Variants in CEACAM18 observed in about 807,000 individuals in gnomAD.
CEACAM18 encodes cell adhesion molecule CEACAM18.
Under a neutral mutation model 34.3 loss-of-function variants are expected in CEACAM18, and 33 were observed. The ratio of observed to expected loss-of-function variants is 0.96; its 90% confidence interval spans 0.73 to 1.29. The LOEUF (loss-of-function observed/expected upper bound fraction) is 1.29. CEACAM18 is among the 50% of genes most tolerant of loss of function. The pLI is 0.00. For synonymous variants in CEACAM18, 169 were observed against 180.9 expected (o/e 0.93, Z 0.53); for missense variants, 474 against 485.0 (o/e 0.98, Z 0.21).
chr19:51,481,469 C>A lies in CEACAM18; in HGVS notation c.477C>A (p.Cys159Ter). 1 of 1,613,958 alleles carries A rather than the reference C, an allele frequency of 6.2e-7. No individual in the cohort carries two copies. The highest frequency in any genetic ancestry group is 8.5e-7 in the Non-Finnish European group (1 of 1,179,872). Residue 159 changes from cysteine to a stop codon, truncating the protein, a stop_gained, in exon 3 of 6, where the codon TGC (cysteine) becomes TGA (stop). Transcript: ENST00000396477. LOFTEE classifies it high-confidence loss of function. ...ACATGGATTCTGTGGCTGCTGACTGCCTCACAAATGTCACCAACATCACGT... is the reference window on the plus strand; with the variant it reads ...ACATGGATTCTGTGGCTGCTGACTGACTCACAAATGTCACCAACATCACGT...
At chr19:51,490,482 T>C (rs914326314) in intron 5 of CEACAM18, 105 bp from the exon 6 acceptor site, 1 of 990,048 alleles carries the variant, frequency 1.0e-6, no homozygotes, top group Non-Finnish European at 1.3e-6. Context: ...AGACTTAGGC[T>C]TGGACTTGGT....
chr19:51,484,192 C>T (rs1989963606), intron 4 of CEACAM18, among the ~76,000 whole-genome samples: 1 of 152,176 alleles, frequency 6.6e-6, no homozygotes, highest in Admixed American at 6.5e-5. Context: ...TTTACTTCAG[C>T]CACACTACCT....
At chr19:51,480,637 A>G (rs1989898166) in exon 2 of CEACAM18, 11 of 1,613,876 alleles carry the variant, frequency 6.8e-6, no homozygotes, top group Non-Finnish European at 9.3e-6. Flanking sequence ...GGGTGGTTGC[A>G]GGCAATGAGA....
At chr19:51,479,816 C>T (rs965261369) in intron 1 of CEACAM18, among the ~76,000 whole-genome samples, 2 of 152,108 alleles carry the variant, frequency 1.3e-5, no homozygotes, top group Non-Finnish European at 2.9e-5. Flanking sequence ...AGGCCTGGGG[C>T]ATACAGCGTG....
intron 2 of CEACAM18, among the ~76,000 whole-genome samples, chr19:51,481,110 G>A (rs1483892846): frequency 6.6e-6 from 1 of 152,164 alleles, no homozygotes; most frequent in African/African-American, 2.4e-5. Context: ...TGAGGGTCCT[G>A]GTTTGGAGGA....
intron 2 of CEACAM18, among the ~76,000 whole-genome samples, chr19:51,480,921 C>A (rs887775440): frequency 6.6e-6 from 1 of 152,158 alleles, no homozygotes; most frequent in African/African-American, 2.4e-5. Context: ...GGACCCTGGC[C>A]CATTTGTGTT....
downstream of CEACAM18, chr19:51,491,224 T>TC (rs1241099905): frequency 6.3e-6 from 1 of 159,646 alleles, no homozygotes; most frequent in Non-Finnish European, 1.4e-5. Context: ...TTTTTTTTTT[T>TC]TTGGTGACAA....
At chr19:51,485,114 C>T (rs1188976115) in exon 5 of CEACAM18, 16 of 1,515,032 alleles carry the variant, frequency 1.1e-5, no homozygotes, top group Non-Finnish European at 1.4e-5. Flanking sequence ...TCAACCACTA[C>T]TCAATCAGGT....
intron 5 of CEACAM18, among the ~76,000 whole-genome samples, chr19:51,487,017 T>G (rs1990017126): frequency 6.6e-6 from 1 of 151,842 alleles, no homozygotes; most frequent in Non-Finnish European, 1.5e-5. Flanking sequence ...CCACCGCGCC[T>G]GGCCTTATTG....
chr19:51,481,450 ATTCT>A lies in CEACAM18; in HGVS notation c.459_462del (p.Asp153GlufsTer17). ...GCCAGCTCCCTGGTGGAGAACATGG[ATTCT>A]GTGGCTGCTGACTGCCTCACAAATG... On this transcript the variant is annotated frameshift_variant, in exon 3 of 6. Transcript: ENST00000396477. LOFTEE classifies it high-confidence loss of function. 1 of 1,613,958 alleles carries A rather than the reference ATTCT, an allele frequency of 6.2e-7. No individual in the cohort carries two copies. Among genetic ancestry groups the A allele is most frequent in the Admixed American group, 1.7e-5 (1 of 60,020 alleles).
intron 4 of CEACAM18, among the ~76,000 whole-genome samples, chr19:51,484,094 A>C (rs1483674398): frequency 6.6e-6 from 1 of 152,222 alleles, no homozygotes; most frequent in East Asian, 1.9e-4. Flanking sequence ...TGAAAGGATA[A>C]GAATCCCTGC....
intron 3 of CEACAM18, among the ~76,000 whole-genome samples, chr19:51,482,263 C>A (rs1457453383): frequency 1.3e-5 from 2 of 152,114 alleles, no homozygotes; most frequent in Admixed American, 6.5e-5. Context: ...AAATCGAATA[C>A]GCTGAACTTA....
downstream of CEACAM18, chr19:51,491,045 C>G (rs76161195): frequency 1.9e-3 from 305 of 164,828 alleles, 4 homozygotes; most frequent in East Asian, 0.03. Flanking sequence ...TTGTTCCACT[C>G]AGTGCCGAAT....
chr19:51,482,900 G>C (rs1989940367), intron 3 of CEACAM18, 117 bp from the exon 4 acceptor site: 13 of 1,208,766 alleles, frequency 1.1e-5, no homozygotes, highest in Non-Finnish European at 1.5e-5. Flanking sequence ...CCTGGGGCAG[G>C]TCTAGGGGTT....
intron 5 of CEACAM18, among the ~76,000 whole-genome samples, chr19:51,485,575 C>T (rs1989985324): frequency 6.6e-6 from 1 of 152,164 alleles, no homozygotes; most frequent in Non-Finnish European, 1.5e-5. Context: ...TACCTGTAGG[C>T]TAGGTTACCT....
chr19:51,489,865 T>G (rs1990061905), intron 5 of CEACAM18, among the ~76,000 whole-genome samples: 1 of 152,202 alleles, frequency 6.6e-6, no homozygotes, highest in Admixed American at 6.5e-5. Flanking sequence ...TGTGCAATTC[T>G]AAACTGATTG....
rs755941450 is a variant in CEACAM18, at chr19:51,482,972, G to A, written c.674-45G>A. 7.1e-5 allele frequency: 113 copies of A among 1,596,716 alleles called. 1 individual carries two copies. The highest frequency in any genetic ancestry group is 2.0e-4 in the Admixed American group (12 of 59,458). On this transcript the variant is annotated intron_variant, in intron 3 of 5. Transcript: ENST00000396477. ...GGAGGACTTCATGAGACGGGACGCC[G>A]AGGGGTCAGAAACATAGCCTGGGCC...
chr19:51,485,147 G>A, intron 5 of CEACAM18, 25 bp downstream of exon 5: 1 of 1,477,960 alleles, frequency 6.8e-7, no homozygotes, highest in Non-Finnish European at 9.0e-7. Context: ...CTGGGACAAG[G>A]GTGGGATGTT....
intron 2 of CEACAM18, 122 bp from the exon 3 acceptor site, chr19:51,481,271 G>A (rs946881637): frequency 1.6e-4 from 172 of 1,068,572 alleles, no homozygotes; most frequent in Non-Finnish European, 2.1e-4. Context: ...TTGCCAGGAT[G>A]CCAGATCTTA....
Sources: gnomAD v4.1 joint callset for allele counts (sites outside exome capture counted in the v4.1 genomes callset) on GRCh38, gnomAD v4.1.1 for gene constraint, MANE v1.5 for transcripts, NCBI Gene and HGNC (gene_info 2026-07-23, HGNC 2026-07-21) for gene names.